The following RPH3A variants were observed in gnomAD, a reference collection of about 807,000 sequenced individuals.
RPH3A encodes the protein rabphilin-3A.
A neutral mutation model predicts 102.2 loss-of-function variants in RPH3A; 48 were observed. That is an observed-to-expected ratio of 0.47 (90% CI 0.37 to 0.60). RPH3A has a LOEUF of 0.60. Among genes scored for constraint, RPH3A ranks in the 20% least tolerant of loss-of-function variants. RPH3A has a pLI of 0.00. For missense variants in RPH3A, 781 were observed against 910.1 expected, an observed-to-expected ratio of 0.86 and a Z score of 1.83; for synonymous variants, 310 against 324.3, an observed-to-expected ratio of 0.96 and a Z score of 0.47.
chr12:112,784,628 C>A (rs2041031482), intron 1 of RPH3A, among the ~76,000 whole-genome samples: 1 of 152,104 alleles, frequency 6.6e-6, no homozygotes, highest in Non-Finnish European at 1.5e-5. Flanking sequence ...TTGTTCTGGG[C>A]CGTGAGAACT....
At chr12:112,846,993 A>G (rs931614073) in intron 4 of RPH3A, among the ~76,000 whole-genome samples, 1 of 152,122 alleles carries the variant, frequency 6.6e-6, no homozygotes, top group African/African-American at 2.4e-5. Context: ...ACCAGGAAAT[A>G]GGGACACAAA....
intron 1 of RPH3A, among the ~76,000 whole-genome samples, chr12:112,763,718 G>T (rs1408441565): frequency 6.6e-6 from 1 of 152,136 alleles, no homozygotes; most frequent in Admixed American, 6.6e-5. Context: ...GGTCAGCTGT[G>T]CCTGAATTTC....
rs2042649993 is a variant in RPH3A, at chr12:112,868,521, A to T, written c.536A>T (p.Gln179Leu). ...CCTATAAAGAAGACCAAGCCCCAGC[A>T]GCCTGTCAGTGAGCCTGCTGCCCCT... ...PMPIKKTKPQ[Q>L]PVSEPAAPEQ... The change falls in exon 8 of 22, where the codon CAG becomes CTG. Residue 179 changes from glutamine to leucine, a missense_variant. This residue lies in a region of RPH3A where 730 missense variants were observed against 810.0 expected (regional missense o/e 0.90). Coordinates refer to ENST00000389385, the MANE Select transcript of RPH3A (RefSeq NM_001143854.2). 10 of 1,614,116 alleles carry T rather than the reference A, an allele frequency of 6.2e-6. No individual in the cohort carries two copies. Among genetic ancestry groups the T allele is most frequent in the African/African-American group, 1.3e-5 (1 of 74,950 alleles).
intron 1 of RPH3A, among the ~76,000 whole-genome samples, chr12:112,651,384 AAAAC>A (rs35545455): frequency 4.3e-4 from 65 of 150,704 alleles, no homozygotes; most frequent in African/African-American, 1.4e-3. Context: ...AAACCCCCAA[AAAAC>A]AAACAAACAA....
At chr12:112,609,608 C>T (rs938901497) in intron 1 of RPH3A, among the ~76,000 whole-genome samples, 1 of 152,210 alleles carries the variant, frequency 6.6e-6, no homozygotes, top group African/African-American at 2.4e-5. Flanking sequence ...CCCTCCTCTG[C>T]TACCTTCTAG....
chr12:112,778,429 A>C (rs1486739735), intron 1 of RPH3A, among the ~76,000 whole-genome samples: 1 of 152,232 alleles, frequency 6.6e-6, no homozygotes, highest in African/African-American at 2.4e-5. Context: ...TTGACTTTGT[A>C]GTTCCAGAAG....
chr12:112,872,560 C>A (rs1410810987), intron 10 of RPH3A, among the ~76,000 whole-genome samples: 1 of 151,954 alleles, frequency 6.6e-6, no homozygotes, highest in East Asian at 1.9e-4. Context: ...TGATGAAGCC[C>A]AGTTTCTTTT....
chr12:112,646,781 G>A (rs900324692), intron 1 of RPH3A, among the ~76,000 whole-genome samples: 2 of 152,230 alleles, frequency 1.3e-5, no homozygotes, highest in South Asian at 2.1e-4. Context: ...CACTTGAGGG[G>A]CCTGGGACTC....
At chr12:112,631,160 C>T (rs1255273660) in intron 1 of RPH3A, among the ~76,000 whole-genome samples, 1 of 152,160 alleles carries the variant, frequency 6.6e-6, no homozygotes, top group African/African-American at 2.4e-5. Flanking sequence ...CATGTGGTCT[C>T]TGCTTTAATC....
intron 1 of RPH3A, among the ~76,000 whole-genome samples, chr12:112,610,925 C>T (rs937277739): frequency 3.3e-5 from 5 of 152,252 alleles, no homozygotes; most frequent in African/African-American, 9.6e-5. Context: ...TGTGAGCCCC[C>T]GCACCCACCT....
At chr12:112,591,861 C>A (rs985100633) in intron 1 of RPH3A, among the ~76,000 whole-genome samples, 5 of 152,116 alleles carry the variant, frequency 3.3e-5, no homozygotes, top group Non-Finnish European at 7.4e-5. Context: ...GAAGCTCGAG[C>A]CAGGTCATCC....
intron 1 of RPH3A, among the ~76,000 whole-genome samples, chr12:112,612,813 C>T (rs2039649414): frequency 2.0e-5 from 3 of 151,800 alleles, no homozygotes; most frequent in South Asian, 4.2e-4. Context: ...TGGGCTCAAG[C>T]GATCTGCCTG....
At chr12:112,872,161 C>T (rs1215251052) in intron 10 of RPH3A, among the ~76,000 whole-genome samples, 1 of 152,144 alleles carries the variant, frequency 6.6e-6, no homozygotes, top group African/African-American at 2.4e-5. Context: ...TTCCCACCAA[C>T]AATGCAAAAG....
At chr12:112,842,063 G>A in intron 4 of RPH3A, 1 of 455,908 alleles carries the variant, frequency 2.2e-6, no homozygotes, top group South Asian at 1.5e-5. Context: ...GATCCAGGCT[G>A]TGCGTTTTGT....
chr12:112,682,351 C>CTTTTTTTTTTTTTTTTTTT (rs1314037530), intron 1 of RPH3A, among the ~76,000 whole-genome samples: 1 of 77,684 alleles, frequency 1.3e-5, no homozygotes, highest in African/African-American at 5.7e-5. Flanking sequence ...TTTTTTCTTT[C>CTTTTTTTTTTTTTTTTTTT]TTTCTTTTTT....
intron 1 of RPH3A, among the ~76,000 whole-genome samples, chr12:112,714,141 C>T (rs745913813): frequency 2.0e-5 from 3 of 152,206 alleles, no homozygotes; most frequent in Admixed American, 6.5e-5. Context: ...GTGTCTATCC[C>T]GTGGGTTCAG....
At chr12:112,764,653 C>A (rs1565873605) in intron 1 of RPH3A, among the ~76,000 whole-genome samples, 1 of 152,028 alleles carries the variant, frequency 6.6e-6, no homozygotes, top group Non-Finnish European at 1.5e-5. Context: ...CCCCTCTCCA[C>A]CTTCCCTGCC....
chr12:112,692,847 C>T (rs2040317130), intron 1 of RPH3A, among the ~76,000 whole-genome samples: 1 of 152,198 alleles, frequency 6.6e-6, no homozygotes, highest in African/African-American at 2.4e-5. Flanking sequence ...TTGAGTGCCT[C>T]TTGTGGAGCA....
intron 1 of RPH3A, among the ~76,000 whole-genome samples, chr12:112,668,309 T>C (rs993475025): frequency 6.6e-6 from 1 of 152,148 alleles, no homozygotes; most frequent in African/African-American, 2.4e-5. Flanking sequence ...TAGATAATGA[T>C]CTATAAAGAG....
Sources: allele counts gnomAD v4.1 joint callset (sites outside exome capture counted in the v4.1 genomes callset), GRCh38; gene constraint gnomAD v4.1.1; regional missense constraint gnomAD v4.1.1; transcripts MANE v1.5; gene names NCBI Gene and HGNC (gene_info 2026-07-23, HGNC 2026-07-21).